The following KCNK17 variants were observed in gnomAD, a reference collection of about 807,000 sequenced individuals.
The protein encoded by KCNK17 is potassium channel subfamily K member 17.
Under a neutral mutation model 24.6 loss-of-function variants are expected in KCNK17, and 27 were observed. The observed-to-expected ratio is 1.10, with a 90% CI of 0.81 to 1.51. The LOEUF is 1.51. Ranked by LOEUF, KCNK17 falls within the 40% of genes most tolerant of loss-of-function variation. KCNK17 has a pLI of 0.00. For synonymous variants in KCNK17, 181 were observed against 189.8 expected (o/e 0.95, Z 0.38); for missense variants, 450 against 436.6 (o/e 1.03, Z -0.27).
chr6:39,309,217 G>C (rs1762088936), intron 2 of KCNK17, among the ~76,000 whole-genome samples: 1 of 152,244 alleles, frequency 6.6e-6, no homozygotes, highest in Non-Finnish European at 1.5e-5. Flanking sequence ...CCAGCTACTT[G>C]GGAGGCTGAG....
In KCNK17 at chr6:39,314,129, C is replaced by G. The variant is rs1762217733; in HGVS notation, c.192G>C (p.Gln64His). ...CCGGGCGGTCCAGACACGTGAAGTT[C>G]TGCAACAGCTCCCACTTGTCGCGCT... Reference protein sequence around the residue: ...SFQRDKWELLQNFTCLDRPAL... With the variant: ...SFQRDKWELLHNFTCLDRPAL... The change falls in exon 1 of 5, where the codon CAG (glutamine) becomes CAC (histidine). Residue 64 changes from glutamine (Q) to histidine (H), a missense_variant. Transcript: ENST00000373231. The G allele has an allele frequency of 1.4e-5, 22 of 1,596,826 alleles. No individual in the cohort carries two copies. The highest frequency in any genetic ancestry group is 1.9e-5 in the Non-Finnish European group (22 of 1,174,686).
At chr6:39,312,665 C>T (rs9471061) in intron 1 of KCNK17, among the ~76,000 whole-genome samples, 2,754 of 152,262 alleles carry the variant, frequency 0.018, 75 homozygotes, top group African/African-American at 0.058. Flanking sequence ...GGTAAAGTAC[C>T]AGCAACAGTG....
At position 39,303,815 on chromosome 6, in the gene KCNK17, G is replaced by A. The variant is rs73731783; in HGVS notation, c.688+142C>T. On this transcript the variant is annotated intron_variant, in intron 4 of 4. Transcript: ENST00000373231. ...CTCAGACCCGTCACACAACAAAAGCGGGTAGGACAGTGTCTCCGGATTTTG... is the reference window on the plus strand; with the variant it reads ...CTCAGACCCGTCACACAACAAAAGCAGGTAGGACAGTGTCTCCGGATTTTG... The A allele has an allele frequency of 1.3e-3, 1,152 of 904,740 alleles. 9 individuals carry two copies. In the African/African-American group the frequency reaches 0.017, roughly 13 times the overall value. 56.0% of individuals were successfully genotyped at this position (904,740 alleles called of 1,614,324 possible).
At chr6:39,305,284 GC>G (rs1431538957) in intron 2 of KCNK17, among the ~76,000 whole-genome samples, 37 of 152,324 alleles carry the variant, frequency 2.4e-4, no homozygotes, top group African/African-American at 7.5e-4. Flanking sequence ...TATCAGGCCT[GC>G]TTGCAGTCTG....
At chr6:39,313,809 G>T (rs1023011986) in intron 1 of KCNK17, among the ~76,000 whole-genome samples, 1 of 151,928 alleles carries the variant, frequency 6.6e-6, no homozygotes, top group South Asian at 2.1e-4. Context: ...CCTCCTCACC[G>T]GGCCAGCATG....
chr6:39,309,891 G>C (rs1389393149), intron 2 of KCNK17, among the ~76,000 whole-genome samples: 1 of 152,216 alleles, frequency 6.6e-6, no homozygotes, highest in Non-Finnish European at 1.5e-5. Context: ...TGGAGTCTGA[G>C]ATGCCTCCCA....
chr6:39,300,705 T>C (rs1761938536), intron 4 of KCNK17, among the ~76,000 whole-genome samples: 1 of 152,154 alleles, frequency 6.6e-6, no homozygotes, highest in Non-Finnish European at 1.5e-5. Context: ...AGCACACCTC[T>C]CCCCTCTGAC....
At chr6:39,305,611 C>T (rs1762022022) in intron 2 of KCNK17, among the ~76,000 whole-genome samples, 2 of 152,194 alleles carry the variant, frequency 1.3e-5, no homozygotes, top group African/African-American at 4.8e-5. Flanking sequence ...CTGCCTCCAC[C>T]CTTCTTGATC....
At chr6:39,300,106 C>A (rs936868916) in intron 4 of KCNK17, among the ~76,000 whole-genome samples, 5 of 152,268 alleles carry the variant, frequency 3.3e-5, no homozygotes, top group Non-Finnish European at 5.9e-5. Flanking sequence ...GGGCATAGGC[C>A]CAGCAATCCG....
intron 2 of KCNK17, among the ~76,000 whole-genome samples, chr6:39,305,939 C>A (rs940954431): frequency 6.6e-6 from 1 of 152,194 alleles, no homozygotes; most frequent in Admixed American, 6.5e-5. Context: ...CCAGGGCCCC[C>A]TCCAGCACTC....
intron 2 of KCNK17, among the ~76,000 whole-genome samples, chr6:39,306,715 CTCCTTGCAGGCTG>C (rs146516873): frequency 0.011 from 1,595 of 151,886 alleles, 17 homozygotes; most frequent in African/African-American, 0.036. Flanking sequence ...CCCAGCTCAG[CTCCTTGCAGGCTG>C]TGGGACCTTG....
Position 39,303,085 on chromosome 6 carries a change from C to T in KCNK17, c.688+872G>A, listed in dbSNP as rs140056638. On this transcript the variant is annotated intron_variant, in intron 4 of 4. Coordinates refer to ENST00000373231, the MANE Select transcript of KCNK17 (RefSeq NM_031460.4). ...CAGCCTCTCTGAGCTTCAGCTTCCT[C>T]CTCAGTAAAATGGGGGTGACAATTG... is the stretch of plus-strand genomic sequence containing the variant. Among the ~76,000 whole-genome samples, 7 of 152,318 alleles carry T rather than the reference C, an allele frequency of 4.6e-5. No individual in the cohort carries two copies. The East Asian group carries it at 1.4e-3, about 29-fold the overall frequency.
chr6:39,310,632 G>A (rs982920090), intron 2 of KCNK17, among the ~76,000 whole-genome samples: 2 of 152,126 alleles, frequency 1.3e-5, no homozygotes, highest in Admixed American at 6.5e-5. Context: ...ATGTGGGGCA[G>A]AAGTCCCCTA....
chr6:39,300,345 A>C (rs1409197617), intron 4 of KCNK17: 22 of 777,338 alleles, frequency 2.8e-5, no homozygotes, highest in Non-Finnish European at 4.7e-5. Flanking sequence ...GCTGGTCTTG[A>C]ACTCCTGAGC....
intron 2 of KCNK17, among the ~76,000 whole-genome samples, chr6:39,310,399 C>T (rs139833719): frequency 6.6e-6 from 1 of 152,110 alleles, no homozygotes; most frequent in East Asian, 1.9e-4. Context: ...GAGACAAGGA[C>T]ATGGGAGGAA....
rs114049010 is a variant in KCNK17, at chr6:39,300,059, G to A, written c.689-322C>T. Among the ~76,000 whole-genome samples the A allele has an allele frequency of 5.1e-3, 770 of 152,340 alleles. 8 individuals carry two copies. Among genetic ancestry groups the A allele is most frequent in the African/African-American group, 0.017 (718 of 41,576 alleles). ...AGAGCTTGTTGGAAATGCAAATGATGGGGCCCCTACCCCAGACCTACTGGA... is the reference window on the plus strand; with the variant it reads ...AGAGCTTGTTGGAAATGCAAATGATAGGGCCCCTACCCCAGACCTACTGGA... On this transcript the variant is annotated intron_variant, in intron 4 of 4. Coordinates refer to ENST00000373231, the MANE Select transcript of KCNK17 (RefSeq NM_031460.4).
intron 4 of KCNK17, among the ~76,000 whole-genome samples, chr6:39,301,336 C>G (rs1761947954): frequency 6.6e-6 from 1 of 152,228 alleles, no homozygotes; most frequent in Non-Finnish European, 1.5e-5. Flanking sequence ...ATGCCTCTGT[C>G]TACTCCTCAT....
intron 2 of KCNK17, among the ~76,000 whole-genome samples, chr6:39,307,362 CT>C: frequency 6.6e-6 from 1 of 152,322 alleles, no homozygotes; most frequent in African/African-American, 2.4e-5. Context: ...CCCCTCTGGC[CT>C]TTATGGGTTT....
Position 39,304,502 on chromosome 6 carries a change from G to A in KCNK17, c.506C>T (p.Thr169Ile). 6.2e-7 allele frequency: 1 copy of A among 1,612,362 alleles called. No homozygotes were observed. Among genetic ancestry groups the A allele is most frequent in the Non-Finnish European group, 8.5e-7 (1 of 1,178,524 alleles). ...GTCCAGCAGCCCCCTCACCTGCCAG[G>A]TGCCCCCCAGCCTGCTGGCCCAGTG... ...VNHWASRLGGTWQDPDKARWL... is the reference protein window; with the variant it reads ...VNHWASRLGGIWQDPDKARWL... Residue 169 changes from threonine (T) to isoleucine (I), a missense_variant, in exon 3 of 5, where the codon ACC becomes ATC. Thr to Ile is a moderately conservative substitution (Grantham distance 89). Coordinates refer to ENST00000373231, the MANE Select transcript of KCNK17 (RefSeq NM_031460.4).
Sources: allele counts gnomAD v4.1 joint callset (sites outside exome capture counted in the v4.1 genomes callset), GRCh38; gene constraint gnomAD v4.1.1; transcripts MANE v1.5; gene names NCBI Gene and HGNC (gene_info 2026-07-23, HGNC 2026-07-21).